FGF1: variants seen among roughly 807,000 people sequenced by gnomAD.
FGF1 encodes the protein fibroblast growth factor 1.
Under a neutral mutation model 13.4 loss-of-function variants are expected in FGF1, and 9 were observed. That is an observed-to-expected ratio of 0.67 (90% CI 0.40 to 1.17). The LOEUF (loss-of-function observed/expected upper bound fraction) is 1.17. Ranked by LOEUF, FGF1 falls within the 50% of genes most tolerant of loss-of-function variation. The pLI is 0.01. For synonymous variants in FGF1, 93 were observed against 79.0 expected, an observed-to-expected ratio of 1.18 and a Z score of -0.94; for missense variants, 156 against 192.7, an observed-to-expected ratio of 0.81 and a Z score of 1.13.
intron 1 of FGF1, among the ~76,000 whole-genome samples, chr5:142,633,222 C>T (rs1456027788): frequency 6.6e-6 from 1 of 152,118 alleles, no homozygotes; most frequent in African/African-American, 2.4e-5. Flanking sequence ...CTATTATAAG[C>T]AAAACTGCTG....
chr5:142,667,411 C>A (rs1770602188), intron 1 of FGF1, among the ~76,000 whole-genome samples: 1 of 151,864 alleles, frequency 6.6e-6, no homozygotes, highest in Non-Finnish European at 1.5e-5. Flanking sequence ...TCGGTGAAAC[C>A]CCGTCTCTAC....
In FGF1 at chr5:142,594,156, G is replaced by A. The variant is rs753331589; in HGVS notation, c.*1134C>T. On this transcript the variant is annotated 3_prime_UTR_variant, in exon 4 of 4. Transcript: ENST00000337706. ...GAGGTCAGGTGAGGTTCGGGGCGTCGAACCACCTTCATTTGAATAACTCTT... is the reference window on the plus strand; with the variant it reads ...GAGGTCAGGTGAGGTTCGGGGCGTCAAACCACCTTCATTTGAATAACTCTT... The A allele has an allele frequency of 2.6e-5, 4 of 152,052 alleles. No individual in the cohort carries two copies. The highest frequency in any genetic ancestry group is 9.7e-5 in the African/African-American group (4 of 41,380). 9.4% of individuals were successfully genotyped at this position (152,052 alleles called of 1,614,324 possible). A position where few individuals can be genotyped will look rare whatever the true frequency, so the allele number is the denominator to read the frequency against.
At chr5:142,629,294 T>C (rs1229111511) in intron 1 of FGF1, among the ~76,000 whole-genome samples, 1 of 152,206 alleles carries the variant, frequency 6.6e-6, no homozygotes, top group African/African-American at 2.4e-5. Context: ...TAGCTCAGAC[T>C]ACAGGCACGC....
rs1420088065 is a variant in FGF1, at chr5:142,593,571, AT to A, written c.*1718del. On this transcript the variant is annotated 3_prime_UTR_variant, in exon 4 of 4. Coordinates refer to ENST00000337706, the MANE Select transcript of FGF1 (RefSeq NM_000800.5). Reference sequence around the variant, plus strand: ...GAAACAGGAGCTAACACTCTCATCAATTTTTATTCACAATTACCATTGCTTA... The same window carrying A: ...GAAACAGGAGCTAACACTCTCATCAATTTTATTCACAATTACCATTGCTTA... 6.6e-6 allele frequency: 1 copy of A among 152,180 alleles called. No homozygotes were observed. Among genetic ancestry groups the A allele is most frequent in the Non-Finnish European group, 1.5e-5 (1 of 68,030 alleles). The allele number at this position is 152,180 out of a possible 1,614,324, so 9.4% of individuals were successfully genotyped here.
intron 2 of FGF1, among the ~76,000 whole-genome samples, chr5:142,608,636 A>T: frequency 7.0e-6 from 1 of 143,658 alleles, no homozygotes; most frequent in South Asian, 2.2e-4. Flanking sequence ...ACCTTATCTT[A>T]AAAGGTGTCT....
intron 1 of FGF1, among the ~76,000 whole-genome samples, chr5:142,650,892 T>C (rs1767108259): frequency 6.6e-6 from 1 of 151,676 alleles, no homozygotes; most frequent in African/African-American, 2.4e-5. Context: ...TATGGTGGGG[T>C]GGGGAGCAAG....
At chr5:142,636,730 A>G (rs1339094101) in intron 1 of FGF1, among the ~76,000 whole-genome samples, 1 of 150,478 alleles carries the variant, frequency 6.6e-6, no homozygotes, top group Non-Finnish European at 1.5e-5. Context: ...ACTAGTGAGT[A>G]GAGAGAGGGA....
intron 1 of FGF1, among the ~76,000 whole-genome samples, chr5:142,654,463 T>C (rs765263205): frequency 6.6e-6 from 1 of 152,230 alleles, no homozygotes; most frequent in Non-Finnish European, 1.5e-5. Flanking sequence ...AGTAGAAAGA[T>C]TCTTACTTTT....
intron 1 of FGF1, among the ~76,000 whole-genome samples, chr5:142,665,991 A>G (rs1237236937): frequency 1.3e-5 from 2 of 152,070 alleles, no homozygotes; most frequent in Non-Finnish European, 2.9e-5. Flanking sequence ...CCCTGCTCCT[A>G]CAGCCTGCCT....
At chr5:142,620,960 T>A (rs1297005993) in intron 1 of FGF1, among the ~76,000 whole-genome samples, 1 of 152,356 alleles carries the variant, frequency 6.6e-6, no homozygotes, top group East Asian at 1.9e-4. Context: ...TTTACCTTTT[T>A]AGTGTCTCCT....
intron 1 of FGF1, among the ~76,000 whole-genome samples, chr5:142,674,641 A>G (rs929512898): frequency 6.6e-6 from 1 of 152,148 alleles, no homozygotes; most frequent in Non-Finnish European, 1.5e-5. Flanking sequence ...TTGGCTCCGG[A>G]AAAACACTGA....
chr5:142,664,898 C>G (rs1770005064), intron 1 of FGF1, among the ~76,000 whole-genome samples: 1 of 152,148 alleles, frequency 6.6e-6, no homozygotes, highest in Non-Finnish European at 1.5e-5. Context: ...ACAGTATTAC[C>G]TAAACTCATA....
chr5:142,622,757 T>C (rs1309428786), intron 1 of FGF1, among the ~76,000 whole-genome samples: 3 of 152,206 alleles, frequency 2.0e-5, no homozygotes, highest in Non-Finnish European at 4.4e-5. Context: ...AGGCAGTGTG[T>C]TCTTTGCTTT....
At chr5:142,655,043 A>T (rs1210459331) in intron 1 of FGF1, among the ~76,000 whole-genome samples, 1 of 152,208 alleles carries the variant, frequency 6.6e-6, no homozygotes, top group African/African-American at 2.4e-5. Flanking sequence ...GTTTTCGTTT[A>T]TGCTGCTTCC....
chr5:142,688,598 C>A (rs1437246265), upstream of FGF1, among the ~76,000 whole-genome samples: 7 of 152,356 alleles, frequency 4.6e-5, no homozygotes, highest in East Asian at 1.2e-3. Context: ...AAAGCTCTTA[C>A]ACCACTTTAA....
At chr5:142,672,747 T>G (rs1771742478) in intron 1 of FGF1, among the ~76,000 whole-genome samples, 1 of 152,142 alleles carries the variant, frequency 6.6e-6, no homozygotes, top group African/African-American at 2.4e-5. Flanking sequence ...TCAGGTGGTC[T>G]TCCTGCCTCG....
At position 142,592,557 on chromosome 5, in the gene FGF1, G is replaced by A; in HGVS notation, c.*2733C>T. On this transcript the variant is annotated 3_prime_UTR_variant, in exon 4 of 4. Transcript: ENST00000337706. ...CTGGCCCGAAAATGAATCCATATGA[G>A]AGTCACGTGACAGGAGCTGGCTATG... is the stretch of plus-strand genomic sequence containing the variant. 1 of 397,532 alleles carries A rather than the reference G, an allele frequency of 2.5e-6. No homozygotes were observed. Among genetic ancestry groups the A allele is most frequent in the Non-Finnish European group, 4.4e-6 (1 of 225,612 alleles). 24.6% of individuals were successfully genotyped at this position (397,532 alleles called of 1,614,324 possible).
chr5:142,639,066 T>C (rs1410857265), intron 1 of FGF1, among the ~76,000 whole-genome samples: 1 of 151,984 alleles, frequency 6.6e-6, no homozygotes, highest in Non-Finnish European at 1.5e-5. Flanking sequence ...TAATACACTA[T>C]TGTGGAAATA....
At chr5:142,644,912 A>C (rs1561649840) in intron 1 of FGF1, among the ~76,000 whole-genome samples, 1 of 152,196 alleles carries the variant, frequency 6.6e-6, no homozygotes, top group African/African-American at 2.4e-5. Flanking sequence ...CACTTGGAGA[A>C]CCAGTTAACT....
Sources: allele counts gnomAD v4.1 joint callset (sites outside exome capture counted in the v4.1 genomes callset), GRCh38; gene constraint gnomAD v4.1.1; transcripts MANE v1.5; gene names NCBI Gene and HGNC (gene_info 2026-07-23, HGNC 2026-07-21).